The following ZNF385D variants were observed in gnomAD, a reference collection of about 807,000 sequenced individuals.
ZNF385D encodes zinc finger protein 659.
ZNF385D carries 15 observed loss-of-function variants against 35.8 expected under a neutral mutation model. The observed-to-expected ratio is 0.42, with a 90% CI of 0.28 to 0.64. The LOEUF is 0.64. Ranked by LOEUF, ZNF385D falls within the 30% of genes least tolerant of loss-of-function variation. The pLI is 0.23. For missense variants in ZNF385D, 474 were observed against 494.6 expected (o/e 0.96, Z 0.39); for synonymous variants, 212 against 186.8 (o/e 1.13, Z -1.10).
At chr3:21,781,679 C>G (rs2071494472) in intron 3 of ZNF385D, among the ~76,000 whole-genome samples, 1 of 151,930 alleles carries the variant, frequency 6.6e-6, no homozygotes, top group Non-Finnish European at 1.5e-5. Flanking sequence ...AGCCAGACAC[C>G]TTAAACAAAC....
intron 2 of ZNF385D, among the ~76,000 whole-genome samples, chr3:22,321,818 A>T (rs1694449926): frequency 6.6e-6 from 1 of 152,036 alleles, no homozygotes; most frequent in African/African-American, 2.4e-5. Flanking sequence ...TCCTTACTAA[A>T]TAGGCAGATT....
chr3:21,750,357 G>A (rs1189963004), intron 1 of ZNF385D, among the ~76,000 whole-genome samples: 1 of 152,190 alleles, frequency 6.6e-6, no homozygotes, highest in Non-Finnish European at 1.5e-5. Flanking sequence ...TGCATTTTGT[G>A]CTAGGCTGCT....
chr3:22,372,253 G>T (rs1051530827), intron 2 of ZNF385D, among the ~76,000 whole-genome samples: 2 of 152,090 alleles, frequency 1.3e-5, no homozygotes, highest in Admixed American at 6.5e-5. Flanking sequence ...AGAGGCTGGG[G>T]TGTGTGGACC....
At chr3:22,356,783 G>C (rs937901456) in intron 2 of ZNF385D, among the ~76,000 whole-genome samples, 2 of 150,394 alleles carry the variant, frequency 1.3e-5, no homozygotes, top group African/African-American at 5.0e-5. Flanking sequence ...ACAGATGATA[G>C]AGTGATAGAA....
intron 3 of ZNF385D, among the ~76,000 whole-genome samples, chr3:21,994,995 G>A (rs1695372845): frequency 6.6e-6 from 1 of 152,206 alleles, no homozygotes; most frequent in East Asian, 1.9e-4. Context: ...ATGTTAGTGG[G>A]TCCAGGTAGG....
chr3:21,516,184 A>C (rs1707550449), intron 3 of ZNF385D, among the ~76,000 whole-genome samples: 2 of 152,138 alleles, frequency 1.3e-5, no homozygotes, highest in African/African-American at 4.8e-5. Context: ...CTTTGGAGAG[A>C]CTAATTTGAG....
intron 2 of ZNF385D, among the ~76,000 whole-genome samples, chr3:22,201,310 C>A (rs1024839681): frequency 6.6e-6 from 1 of 152,090 alleles, no homozygotes; most frequent in East Asian, 1.9e-4. Flanking sequence ...ACAAAGTCAA[C>A]TGAGAGAAAA....
At chr3:21,721,111 C>G (rs1459511119) in intron 1 of ZNF385D, among the ~76,000 whole-genome samples, 3 of 151,878 alleles carry the variant, frequency 2.0e-5, no homozygotes, top group East Asian at 3.9e-4. Context: ...CGAAAACATA[C>G]TCTTGCGGTT....
At chr3:21,592,544 AAAAAAAAAAAACCAAAAAC>A (rs766321223) in intron 2 of ZNF385D, among the ~76,000 whole-genome samples, 254 of 4,358 alleles carry the variant, frequency 0.058, 2 homozygotes, top group East Asian at 0.078. Context: ...TCTTCATGGC[AAAAAAAAAAAACCAAAAAC>A]AAAAAAAAAA....
Position 21,948,774 on chromosome 3 carries a change from A to G in ZNF385D, c.325+220043T>C, listed in dbSNP as rs144973838. ...ACTGTAAAAACGTTGAAAAATATAGAACAAAAAATGTGAAATTAACTATTA... is the reference window on the plus strand; with the variant it reads ...ACTGTAAAAACGTTGAAAAATATAGGACAAAAAATGTGAAATTAACTATTA... On this transcript the variant is annotated intron_variant, in intron 3 of 5. Coordinates refer to the ZNF385D transcript ENST00000494108. 1.8e-3 allele frequency among the ~76,000 whole-genome samples: 280 copies of G among 152,296 alleles called. 1 individual carries two copies. Among genetic ancestry groups the G allele is most frequent in the African/African-American group, 6.5e-3 (269 of 41,588 alleles).
chr3:21,836,819 T>C (rs1253221512), intron 3 of ZNF385D, among the ~76,000 whole-genome samples: 1 of 152,080 alleles, frequency 6.6e-6, no homozygotes, highest in Admixed American at 6.6e-5. Flanking sequence ...TGTACAAAAA[T>C]ATAAGGTAGT....
chr3:21,511,538 A>G (rs1309881676), intron 3 of ZNF385D: 3 of 373,312 alleles, frequency 8.0e-6, no homozygotes, highest in Non-Finnish European at 1.1e-5. Context: ...GAAGCTTTAG[A>G]GTTCAAAAGC....
At chr3:22,208,614 C>A (rs1442773095) in intron 2 of ZNF385D, among the ~76,000 whole-genome samples, 1 of 151,694 alleles carries the variant, frequency 6.6e-6, no homozygotes, top group Non-Finnish European at 1.5e-5. Flanking sequence ...ATGAATACCT[C>A]ATTTCCCCTC....
In ZNF385D at chr3:22,200,702, C is replaced by G. The variant is rs549904459; in HGVS notation, c.107-31667G>C. 2.6e-5 allele frequency among the ~76,000 whole-genome samples: 4 copies of G among 152,118 alleles called. No homozygotes were observed. In the East Asian group the frequency reaches 7.8e-4, roughly 29 times the overall value. The stretch of plus-strand genomic sequence containing the variant: ...TATGGGAGACTGGGGTCTATTTCAC[C>G]CCTACAGTCTACAGGCCATAAAAGA... On this transcript the variant is annotated intron_variant, in intron 2 of 5. Transcript: ENST00000494108.
chr3:22,095,430 T>C (rs1437112210), intron 3 of ZNF385D, among the ~76,000 whole-genome samples: 1 of 152,026 alleles, frequency 6.6e-6, no homozygotes, highest in African/African-American at 2.4e-5. Context: ...GAGAATCTTC[T>C]CAAATATTAT....
At chr3:21,496,151 C>G (rs560038199) in intron 4 of ZNF385D, among the ~76,000 whole-genome samples, 1 of 151,796 alleles carries the variant, frequency 6.6e-6, no homozygotes, top group East Asian at 1.9e-4. Flanking sequence ...CCCACTGAAA[C>G]TCTTCTAAAA....
chr3:22,200,058 GA>G (rs1696678311), intron 2 of ZNF385D, among the ~76,000 whole-genome samples: 1 of 152,032 alleles, frequency 6.6e-6, no homozygotes, highest in Admixed American at 6.6e-5. Flanking sequence ...GAAAGGTTAA[GA>G]TCATACAAGT....
chr3:22,145,697 C>G (rs898259841), intron 3 of ZNF385D, among the ~76,000 whole-genome samples: 5 of 152,116 alleles, frequency 3.3e-5, no homozygotes, highest in African/African-American at 7.2e-5. Flanking sequence ...GAAATCAGAC[C>G]TAATCAGTAC....
intron 3 of ZNF385D, among the ~76,000 whole-genome samples, chr3:22,024,062 T>C (rs544406238): frequency 5.9e-5 from 9 of 152,132 alleles, no homozygotes; most frequent in African/African-American, 2.2e-4. Context: ...CCACCCTTAA[T>C]CTGGTGGGCA....
Sources: allele counts gnomAD v4.1 joint callset (sites outside exome capture counted in the v4.1 genomes callset), GRCh38; gene constraint gnomAD v4.1.1; transcripts MANE v1.5; gene names NCBI Gene and HGNC (gene_info 2026-07-23, HGNC 2026-07-21).